Variants in NUP214 observed in about 807,000 individuals in gnomAD.
NUP214 encodes the protein nuclear pore complex protein Nup214.
In NUP214, 79 loss-of-function variants were observed where a neutral mutation model predicts 196.2. That is an observed-to-expected ratio of 0.40 (90% CI 0.34 to 0.49). NUP214 has a LOEUF of 0.49. NUP214 is among the 20% of genes least tolerant of loss of function. NUP214 has a pLI of 0.58. For missense variants in NUP214, 2,468 were observed against 2,539.0 expected (o/e 0.97, Z 0.60); for synonymous variants, 1,020 against 990.5 (o/e 1.03, Z -0.56).
intron 5 of NUP214, among the ~76,000 whole-genome samples, chr9:131,132,179 A>G (rs990090848): frequency 3.8e-5 from 5 of 131,102 alleles, no homozygotes; most frequent in African/African-American, 1.2e-4. Context: ...GAGTGCAATG[A>G]CGTGATTTCA....
At chr9:131,224,014 G>A (rs1016516311) in intron 32 of NUP214, among the ~76,000 whole-genome samples, 2 of 151,602 alleles carry the variant, frequency 1.3e-5, no homozygotes, top group African/African-American at 2.4e-5. Context: ...GATTACAGGC[G>A]TGAGCCACCA....
At chr9:131,211,780 T>G (rs1834247385) in intron 30 of NUP214, among the ~76,000 whole-genome samples, 1 of 152,364 alleles carries the variant, frequency 6.6e-6, no homozygotes, top group Non-Finnish European at 1.5e-5. Flanking sequence ...TCCCGTCATC[T>G]TCATAAGCTG....
intron 13 of NUP214, 61 bp from the exon 14 acceptor site, chr9:131,147,429 G>A (rs1380082925): frequency 1.6e-6 from 2 of 1,219,908 alleles, no homozygotes; most frequent in African/African-American, 3.0e-5. Flanking sequence ...AAGGACATTT[G>A]TGATAGGAGA....
In NUP214 at chr9:131,233,484, C is replaced by CT; in HGVS notation, c.6271dup (p.Ter2091LeufsTer94). 1 of 1,613,840 alleles carries CT rather than the reference C, an allele frequency of 6.2e-7. No homozygotes were observed. The highest frequency in any genetic ancestry group is 8.5e-7 in the Non-Finnish European group (1 of 1,179,850). ...TCCAGGGTTTTGGTGGCTGGCGAAG[C>CT]TGAGGGCGTGTCAGCAGGCCTTTCG... On this transcript the variant is annotated frameshift_variant, in exon 36 of 36. Coordinates refer to ENST00000359428, the MANE Select transcript of NUP214 (RefSeq NM_005085.4). LOFTEE classifies it high-confidence loss of function.
At chr9:131,216,142 G>C (rs892914013) in intron 31 of NUP214, among the ~76,000 whole-genome samples, 4 of 151,256 alleles carry the variant, frequency 2.6e-5, no homozygotes, top group African/African-American at 9.7e-5. Context: ...CGCCCGCCTC[G>C]GCCTCCCAAA....
At chr9:131,194,082 T>C (rs1833704356) in intron 27 of NUP214, 1 of 151,702 alleles carries the variant, frequency 6.6e-6, no homozygotes, top group African/African-American at 2.4e-5. Flanking sequence ...GGCAAAGGTG[T>C]CTAAGTTATT....
intron 33 of NUP214, chr9:131,229,891 C>T: frequency 4.8e-6 from 2 of 412,920 alleles, no homozygotes; most frequent in East Asian, 6.6e-5. Flanking sequence ...GATTCTTGCC[C>T]CCAGGTGCTG....
chr9:131,204,792 CCAA>C (rs1423869166), intron 30 of NUP214, among the ~76,000 whole-genome samples: 22 of 152,114 alleles, frequency 1.4e-4, no homozygotes, highest in African/African-American at 4.8e-4. Flanking sequence ...ATTCAGAAGC[CCAA>C]CAAGTGCCAA....
intron 14 of NUP214, among the ~76,000 whole-genome samples, chr9:131,148,881 AT>A (rs1832164721): frequency 6.6e-6 from 1 of 152,186 alleles, no homozygotes; most frequent in Non-Finnish European, 1.5e-5. Flanking sequence ...CACATTCTTC[AT>A]TTTAATATAA....
Position 131,211,042 on chromosome 9 carries a change from G to A in NUP214, c.5593-4170G>A, listed in dbSNP as rs894379563. 2.0e-5 allele frequency among the ~76,000 whole-genome samples: 3 copies of A among 152,206 alleles called. 1 individual carries two copies. The highest frequency in any genetic ancestry group is 4.4e-5 in the Non-Finnish European group (3 of 68,028). ...TGTTAAAATGGAATACTCTTAGCTAGTAAATTGTAGAACCAGTACTGAAAC... is the reference window on the plus strand; with the variant it reads ...TGTTAAAATGGAATACTCTTAGCTAATAAATTGTAGAACCAGTACTGAAAC... On this transcript the variant is annotated intron_variant, in intron 30 of 35. Coordinates refer to ENST00000359428, the MANE Select transcript of NUP214 (RefSeq NM_005085.4).
In NUP214 at chr9:131,233,661, T is replaced by C. The variant is rs1213690698; in HGVS notation, c.*174T>C. ...GCATGATTACTTGTTTTATATTTCATGTTGGGTTTTCCCTCCCACTATTAA... is the reference window on the plus strand; with the variant it reads ...GCATGATTACTTGTTTTATATTTCACGTTGGGTTTTCCCTCCCACTATTAA... On this transcript the variant is annotated 3_prime_UTR_variant, in exon 36 of 36. Coordinates refer to ENST00000359428, the MANE Select transcript of NUP214 (RefSeq NM_005085.4). 4 of 732,152 alleles carry C rather than the reference T, an allele frequency of 5.5e-6. No homozygotes were observed. Among genetic ancestry groups the C allele is most frequent in the South Asian group, 4.4e-5 (3 of 67,452 alleles). The allele number at this position is 732,152 out of a possible 1,614,324, so 45.4% of individuals were successfully genotyped here.
chr9:131,148,083 A>G (rs1261597427), intron 14 of NUP214, among the ~76,000 whole-genome samples: 2 of 152,230 alleles, frequency 1.3e-5, no homozygotes, highest in Admixed American at 6.5e-5. Flanking sequence ...GCTCCTGAGG[A>G]GGCTGAGGCA....
chr9:131,148,877 C>T (rs1832164554), intron 14 of NUP214, among the ~76,000 whole-genome samples: 1 of 152,082 alleles, frequency 6.6e-6, no homozygotes, highest in South Asian at 2.1e-4. Flanking sequence ...AATACACATT[C>T]TTCATTTTAA....
In NUP214 at chr9:131,210,802, G is replaced by C. The variant is rs75042572; in HGVS notation, c.5593-4410G>C. On this transcript the variant is annotated intron_variant, in intron 30 of 35. Coordinates refer to ENST00000359428, the MANE Select transcript of NUP214 (RefSeq NM_005085.4). ...AGGTCAGAGAGATGGAAAAAAAATG[G>C]ATAGAGCATTTCTACGATCTATGCA... Among the ~76,000 whole-genome samples the C allele has an allele frequency of 8.2e-3, 1,245 of 152,254 alleles. 18 individuals carry two copies. Among genetic ancestry groups the C allele is most frequent in the African/African-American group, 0.028 (1,174 of 41,540 alleles).
At position 131,126,830 on chromosome 9, in the gene NUP214, G is replaced by A. The variant is rs559357740; in HGVS notation, c.46-694G>A. Among the ~76,000 whole-genome samples, 19 of 152,210 alleles carry A rather than the reference G, an allele frequency of 1.2e-4. No individual in the cohort carries two copies. In the South Asian group the frequency reaches 1.4e-3, roughly 12 times the overall value. On this transcript the variant is annotated intron_variant, in intron 1 of 35. Transcript: ENST00000359428. Reference sequence around the variant, plus strand: ...CTCCCAAAGTGCTGGGATTATAGGCGTGAGCTACCGTGCTGTCCTAGAATA... The same window carrying A: ...CTCCCAAAGTGCTGGGATTATAGGCATGAGCTACCGTGCTGTCCTAGAATA...
chr9:131,165,757 T>A (rs1832769923), intron 21 of NUP214, among the ~76,000 whole-genome samples: 1 of 152,262 alleles, frequency 6.6e-6, no homozygotes, highest in Non-Finnish European at 1.5e-5. Context: ...ACAAAATGTC[T>A]GTCTATACAA....
rs374361142 is a variant in NUP214, at chr9:131,232,336, C to G, written c.6239+28C>G. 1 of 1,607,012 alleles carries G rather than the reference C, an allele frequency of 6.2e-7. No individual in the cohort carries two copies. Among genetic ancestry groups the G allele is most frequent in the Non-Finnish European group, 8.5e-7 (1 of 1,173,652 alleles). On this transcript the variant is annotated intron_variant, in intron 35 of 35. Transcript: ENST00000359428. The surrounding 1 kb of genome is among the most constrained non-coding windows in gnomAD (Gnocchi z 5.1). ...AAGTATCCCCCTTTTTGAGTCTCAC[C>G]TTAATTAAAAGCATTAAATAAGGTT...
At chr9:131,180,375 G>T (rs138575937) in intron 24 of NUP214, among the ~76,000 whole-genome samples, 3 of 152,164 alleles carry the variant, frequency 2.0e-5, no homozygotes, top group African/African-American at 7.2e-5. Context: ...AGGAAAGATC[G>T]AGAGAATATG....
In NUP214 at chr9:131,178,334, A is replaced by G. The variant is rs182096518; in HGVS notation, c.3343A>G (p.Thr1115Ala). ...APAVNTLTES[T>A]LKNVPQVVNV... ...AGCTGTAAACACTTTGACTGAATCA[A>G]CGTTGAAGAATGTCCCTCAAGTGGT... Residue 1115 changes from threonine (T) to alanine (A), a missense_variant, in exon 24 of 36, where the codon ACG becomes GCG. By Grantham distance (58) the Thr-to-Ala change is moderately conservative. Transcript: ENST00000359428. The G allele has an allele frequency of 3.2e-5, 51 of 1,613,804 alleles. No homozygotes were observed. Among genetic ancestry groups the G allele is most frequent in the East Asian group, 6.7e-5 (3 of 44,882 alleles).
Sources: gnomAD v4.1 joint callset for allele counts (sites outside exome capture counted in the v4.1 genomes callset) on GRCh38, gnomAD v4.1.1 for gene constraint, Gnocchi (gnomAD v3.1) non-coding constraint, MANE v1.5 for transcripts, NCBI Gene and HGNC (gene_info 2026-07-23, HGNC 2026-07-21) for gene names.